ABCD3: variants seen among roughly 807,000 people sequenced by gnomAD.
ABCD3 encodes ATP-binding cassette sub-family D member 3.
A neutral mutation model predicts 105.5 loss-of-function variants in ABCD3; 41 were observed. The observed-to-expected ratio is 0.39, with a 90% CI of 0.30 to 0.50. The LOEUF is 0.50. Ranked by LOEUF, ABCD3 falls within the 20% of genes least tolerant of loss-of-function variation. The probability of loss-of-function intolerance (pLI) is 0.84; values close to 1 mark genes in which losing one functional copy is unlikely to be tolerated. For missense variants in ABCD3, 622 were observed against 806.3 expected, an observed-to-expected ratio of 0.77 and a Z score of 2.77; for synonymous variants, 258 against 269.0, an observed-to-expected ratio of 0.96 and a Z score of 0.40.
chr1:94,452,544 T>C (rs1647304231), intron 1 of ABCD3, among the ~76,000 whole-genome samples: 1 of 152,234 alleles, frequency 6.6e-6, no homozygotes, highest in East Asian at 1.9e-4. Context: ...ATTTGGATTT[T>C]ATTCTGAAAG....
intron 1 of ABCD3, among the ~76,000 whole-genome samples, chr1:94,453,633 T>C (rs958443187): frequency 1.3e-4 from 20 of 151,902 alleles, no homozygotes; most frequent in Admixed American, 6.6e-4. Flanking sequence ...ATTATATTTT[T>C]CTAGAAAATT....
chr1:94,415,915 A>G (rs769443908), upstream of ABCD3, among the ~76,000 whole-genome samples: 3 of 152,176 alleles, frequency 2.0e-5, no homozygotes, highest in Non-Finnish European at 4.4e-5. Context: ...GTAGCAAATT[A>G]ATAAACTTAA....
At chr1:94,455,325 A>T (rs1428589767) in intron 1 of ABCD3, among the ~76,000 whole-genome samples, 3 of 143,884 alleles carry the variant, frequency 2.1e-5, no homozygotes, top group Admixed American at 7.0e-5. Context: ...TTATAAATGA[A>T]TTTTTTTTTT....
intron 21 of ABCD3, among the ~76,000 whole-genome samples, chr1:94,508,158 T>C (rs1445292665): frequency 6.6e-6 from 1 of 152,164 alleles, no homozygotes; most frequent in African/African-American, 2.4e-5. Context: ...CATCTTGAAT[T>C]GATTTTTGTA....
intron 4 of ABCD3, among the ~76,000 whole-genome samples, chr1:94,473,229 G>A (rs1214369949): frequency 6.6e-6 from 1 of 152,044 alleles, no homozygotes; most frequent in Non-Finnish European, 1.5e-5. Context: ...CACACTTCTT[G>A]GCTGCTTTTG....
intron 1 of ABCD3, among the ~76,000 whole-genome samples, chr1:94,447,738 C>G (rs1325564114): frequency 6.6e-6 from 1 of 152,148 alleles, no homozygotes; most frequent in Non-Finnish European, 1.5e-5. Context: ...AATTATAGCT[C>G]CTGACAAAAT....
At chr1:94,472,331 C>A in intron 4 of ABCD3, 1 of 438,798 alleles carries the variant, frequency 2.3e-6, no homozygotes. Context: ...AGGTTTGGTT[C>A]AAACAATTTT....
At chr1:94,482,969 A>T in intron 9 of ABCD3, 1 of 575,266 alleles carries the variant, frequency 1.7e-6, no homozygotes, top group Non-Finnish European at 3.1e-6. Flanking sequence ...TGATTCAGTC[A>T]GGAGTGTATT....
At chr1:94,463,795 C>T (rs1647998605) in intron 2 of ABCD3, among the ~76,000 whole-genome samples, 1 of 152,174 alleles carries the variant, frequency 6.6e-6, no homozygotes. Flanking sequence ...CCTCTACACT[C>T]ACAGTAAGCT....
intron 16 of ABCD3, among the ~76,000 whole-genome samples, chr1:94,497,815 G>T (rs190047343): frequency 6.6e-6 from 1 of 152,116 alleles, no homozygotes; most frequent in Non-Finnish European, 1.5e-5. Context: ...GTTTAAATAA[G>T]TTATAGTATA....
chr1:94,474,246 G>A (rs1211311836), intron 5 of ABCD3, among the ~76,000 whole-genome samples: 1 of 149,024 alleles, frequency 6.7e-6, no homozygotes, highest in Non-Finnish European at 1.5e-5. Context: ...TTGGGGAGTT[G>A]GGGGGATTTA....
rs778243846 is a variant in ABCD3 at position 94,515,130 on chromosome 1, A to G, written c.1846-16A>G. 2.5e-6 allele frequency: 4 copies of G among 1,598,358 alleles called. No homozygotes were observed. The highest frequency in any genetic ancestry group is 3.3e-5 in the Admixed American group (2 of 59,758). On this transcript the variant is annotated splice_polypyrimidine_tract_variant and intron_variant, in intron 21 of 22. Transcript: ENST00000370214. ...CTCTGTTACTCATTAAACCTAAATC[A>G]TTTTCTTTGTATTAGGTTGGCATCA...
chr1:94,496,694 G>GGTTTTTT lies in ABCD3; in HGVS notation c.1387-1908_1387-1907insGTTTTTT, dbSNP rs1302104709. On this transcript the variant is annotated intron_variant, in intron 16 of 22. Transcript: ENST00000370214. The stretch of plus-strand genomic sequence containing the variant: ...CTTCAGTAAAATCAGCCTTGTTTCT[G>GGTTTTTT]TTTTTTTTTTTTTTTTTTTTTTTTT... Among the ~76,000 whole-genome samples, 26 of 39,370 alleles carry GGTTTTTT rather than the reference G, an allele frequency of 6.6e-4. 1 individual carries two copies. Among genetic ancestry groups the GGTTTTTT allele is most frequent in the Non-Finnish European group, 9.5e-4 (23 of 24,240 alleles). The allele number at this position is 39,370 out of a possible 152,430, so 25.8% of individuals were successfully genotyped here. A position where few individuals can be genotyped will look rare whatever the true frequency, so the allele number is the denominator to read the frequency against.
chr1:94,403,093 G>A, the ABCD3 span, among the ~76,000 whole-genome samples: 1 of 151,678 alleles, frequency 6.6e-6, no homozygotes, highest in Non-Finnish European at 1.5e-5. Context: ...TGAGAATGAT[G>A]ATTTCCAATT....
chr1:94,506,478 T>G, intron 20 of ABCD3, 60 bp from the exon 21 acceptor site: 1 of 976,238 alleles, frequency 1.0e-6, no homozygotes, highest in Non-Finnish European at 1.7e-6. Context: ...TAAGTTTGTT[T>G]CGGCTTACTA....
At chr1:94,457,036 TTA>T (rs1316209751) in intron 1 of ABCD3, among the ~76,000 whole-genome samples, 1 of 152,200 alleles carries the variant, frequency 6.6e-6, no homozygotes, top group African/African-American at 2.4e-5. Context: ...AGCCAGCCAT[TTA>T]TATGTCTTTT....
chr1:94,496,614 C>A (rs558389895), intron 16 of ABCD3, among the ~76,000 whole-genome samples: 2 of 151,658 alleles, frequency 1.3e-5, no homozygotes, highest in East Asian at 3.9e-4. Context: ...ACTACCCTAC[C>A]CCTACCTGAT....
Position 94,467,537 on chromosome 1 carries a change from A to G in ABCD3, c.247-382A>G, listed in dbSNP as rs76627134. Among the ~76,000 whole-genome samples the G allele has an allele frequency of 9.0e-3, 1,375 of 152,336 alleles. 24 individuals are homozygous for G. Among genetic ancestry groups the G allele is most frequent in the African/African-American group, 0.032 (1,316 of 41,578 alleles). On this transcript the variant is annotated intron_variant, in intron 3 of 22. Coordinates refer to ENST00000370214, the MANE Select transcript of ABCD3 (RefSeq NM_002858.4). The stretch of plus-strand genomic sequence containing the variant: ...GTTGTATAACTGTATATGTGCAGTT[A>G]CTGTCATTTTTCTTTGTTAAAGTTA...
At chr1:94,416,712 C>G (rs10157531), upstream of ABCD3, among the ~76,000 whole-genome samples, 1,256 of 152,304 alleles carry the variant, frequency 8.2e-3, 13 homozygotes, top group African/African-American at 0.029. Flanking sequence ...GCCATAAAAG[C>G]CTAAACATAT....
Sources: allele counts gnomAD v4.1 joint callset (sites outside exome capture counted in the v4.1 genomes callset), GRCh38; gene constraint gnomAD v4.1.1; transcripts MANE v1.5; gene names NCBI Gene and HGNC (gene_info 2026-07-23, HGNC 2026-07-21).